The following ZMYM1 variants were observed in gnomAD, a reference collection of about 807,000 sequenced individuals.
The protein encoded by ZMYM1 is zinc finger MYM-type containing 1.
A neutral mutation model predicts 60.0 loss-of-function variants in ZMYM1; 39 were observed. The observed-to-expected ratio is 0.65, with a 90% CI of 0.50 to 0.85. The LOEUF (loss-of-function observed/expected upper bound fraction) is 0.85. Among genes scored for constraint, ZMYM1 ranks in the 40% least tolerant of loss-of-function variants. ZMYM1 has a pLI of 0.00. For missense variants in ZMYM1, 1,171 were observed against 1,309.5 expected, an observed-to-expected ratio of 0.89 and a Z score of 1.63; for synonymous variants, 413 against 454.0, an observed-to-expected ratio of 0.91 and a Z score of 1.15.
chr1:35,063,989 A>G (rs1248482613), intron 1 of ZMYM1, among the ~76,000 whole-genome samples: 2 of 152,172 alleles, frequency 1.3e-5, no homozygotes, highest in East Asian at 3.9e-4. Flanking sequence ...ATAGCCCGAA[A>G]TGATAGATAT....
In ZMYM1 at chr1:35,114,471, A is replaced by G; in HGVS notation, c.2641A>G (p.Asn881Asp). The change falls in exon 10 of 10, where the codon AAT becomes GAT. Residue 881 changes from asparagine to aspartate, a missense_variant. By Grantham distance (23) the Asn-to-Asp change is conservative (BLOSUM62 1). Transcript: ENST00000359858. ...VTGILSKELQ[N>D]KTIDIFSLSS... ...AGGAATTCTTTCCAAAGAGCTTCAAAATAAAACCATAGACATTTTTTCTTT... is the reference window on the plus strand; with the variant it reads ...AGGAATTCTTTCCAAAGAGCTTCAAGATAAAACCATAGACATTTTTTCTTT... 1.2e-6 allele frequency: 2 copies of G among 1,613,126 alleles called. No individual in the cohort carries two copies. The highest frequency in any genetic ancestry group is 1.7e-6 in the Non-Finnish European group (2 of 1,179,506).
intron 4 of ZMYM1, among the ~76,000 whole-genome samples, chr1:35,098,537 T>G (rs1429295528): frequency 2.0e-5 from 3 of 152,262 alleles, no homozygotes; most frequent in Non-Finnish European, 4.4e-5. Context: ...TTGCTTCTTC[T>G]GTTTAGTTAT....
chr1:35,113,930 T>A lies in ZMYM1; in HGVS notation c.2100T>A (p.Tyr700Ter). Residue 700 changes from tyrosine (Y) to a stop codon, truncating the protein, a stop_gained, in exon 10 of 10, where the codon TAT becomes TAA. Coordinates refer to ENST00000359858, the MANE Select transcript of ZMYM1 (RefSeq NM_024772.5). LOFTEE classifies it low-confidence loss of function (END_TRUNC). ...ACTTACATAGGACTATCAAAACTTA[T>A]CTGCAGCAAATTGGAGTTGATATGG... is the stretch of plus-strand genomic sequence containing the variant. ...GTHLHRTIKT[Y>*]LQQIGVDMDK... The A allele has an allele frequency of 1.2e-6, 2 of 1,613,960 alleles. No homozygotes were observed. Among genetic ancestry groups the A allele is most frequent in the Non-Finnish European group, 1.7e-6 (2 of 1,179,924 alleles).
intron 1 of ZMYM1, among the ~76,000 whole-genome samples, chr1:35,063,368 C>T (rs1641909452): frequency 6.6e-6 from 1 of 152,066 alleles, no homozygotes; most frequent in Admixed American, 6.6e-5. Flanking sequence ...AGTGCAGTGG[C>T]ATGATCCTGG....
intron 1 of ZMYM1, among the ~76,000 whole-genome samples, chr1:35,069,412 A>G (rs1642030686): frequency 6.6e-6 from 1 of 152,076 alleles, no homozygotes; most frequent in African/African-American, 2.4e-5. Flanking sequence ...CTCTTAAGTT[A>G]TCTTGTCCAT....
chr1:35,113,359 T>TCAGAAAG lies in ZMYM1; in HGVS notation c.1532_1538dup (p.His513GlnfsTer4). ...AATTGGAAAAAAACCCTGGAAAAAT[T>TCAGAAAG]CAGAAAGCATGAAAAAAGTGAAATG... is the stretch of plus-strand genomic sequence containing the variant. On this transcript the variant is annotated frameshift_variant, in exon 10 of 10. Coordinates refer to ENST00000359858, the MANE Select transcript of ZMYM1 (RefSeq NM_024772.5). LOFTEE classifies it high-confidence loss of function. 6.2e-7 allele frequency: 1 copy of TCAGAAAG among 1,613,144 alleles called. No individual in the cohort carries two copies. The highest frequency in any genetic ancestry group is 8.5e-7 in the Non-Finnish European group (1 of 1,179,784).
chr1:35,069,418 T>C (rs1489471770), intron 1 of ZMYM1, among the ~76,000 whole-genome samples: 4 of 152,204 alleles, frequency 2.6e-5, no homozygotes, highest in African/African-American at 9.6e-5. Flanking sequence ...AGTTATCTTG[T>C]CCATTTTAAA....
At chr1:35,101,204 G>A (rs970764694) in intron 4 of ZMYM1, among the ~76,000 whole-genome samples, 1 of 150,676 alleles carries the variant, frequency 6.6e-6, no homozygotes, top group Non-Finnish European at 1.5e-5. Flanking sequence ...CGCCTCCCAG[G>A]TTCAAGCGAT....
intron 2 of ZMYM1, among the ~76,000 whole-genome samples, chr1:35,095,012 T>C (rs1177326544): frequency 1.3e-5 from 2 of 152,112 alleles, no homozygotes; most frequent in Non-Finnish European, 2.9e-5. Context: ...ATTGAGTTGT[T>C]AACACTGGGG....
chr1:35,116,878 C>T (rs1435525423), downstream of ZMYM1, among the ~76,000 whole-genome samples: 2 of 124,312 alleles, frequency 1.6e-5, no homozygotes, highest in Admixed American at 9.4e-5. Flanking sequence ...GAGTCTCGCT[C>T]TGTCGCCCAG....
intron 1 of ZMYM1, 22 bp from the exon 2 acceptor site, chr1:35,093,892 C>CT: frequency 1.2e-6 from 1 of 854,302 alleles, no homozygotes; most frequent in Non-Finnish European, 1.8e-6. Context: ...AAATCAAACT[C>CT]TTTATCAATA....
intron 2 of ZMYM1, among the ~76,000 whole-genome samples, chr1:35,094,744 G>C (rs942350840): frequency 3.9e-5 from 6 of 152,162 alleles, no homozygotes; most frequent in Non-Finnish European, 7.3e-5. Flanking sequence ...AGCTACTTCA[G>C]AGGCTACAAC....
At chr1:35,081,430 A>C (rs530192893) in intron 1 of ZMYM1, among the ~76,000 whole-genome samples, 1 of 151,472 alleles carries the variant, frequency 6.6e-6, no homozygotes, top group African/African-American at 2.4e-5. Context: ...CACATTGTAT[A>C]TACATTAGAA....
At chr1:35,106,377 G>T (rs1184366098) in intron 6 of ZMYM1, among the ~76,000 whole-genome samples, 1 of 152,094 alleles carries the variant, frequency 6.6e-6, no homozygotes, top group African/African-American at 2.4e-5. Flanking sequence ...GGGAGGCCGA[G>T]GCTGGCCGAT....
upstream of ZMYM1, among the ~76,000 whole-genome samples, chr1:35,074,923 C>T (rs181785681): frequency 2.0e-3 from 306 of 151,366 alleles, 2 homozygotes; most frequent in African/African-American, 7.0e-3. Flanking sequence ...TGCAGTGGCG[C>T]GATCTCGGCT....
At chr1:35,081,213 G>A (rs765717484) in intron 1 of ZMYM1, among the ~76,000 whole-genome samples, 5 of 152,106 alleles carry the variant, frequency 3.3e-5, no homozygotes, top group African/African-American at 9.7e-5. Flanking sequence ...CACCGTGCCC[G>A]GCCGAATAAA....
chr1:35,065,287 C>T (rs1414948752), intron 1 of ZMYM1, among the ~76,000 whole-genome samples: 2 of 141,218 alleles, frequency 1.4e-5, no homozygotes, highest in African/African-American at 3.1e-5. Flanking sequence ...TCCCGGCTTT[C>T]GGCACCAAAA....
intron 1 of ZMYM1, among the ~76,000 whole-genome samples, chr1:35,090,035 A>G (rs1642910457): frequency 6.6e-6 from 1 of 151,662 alleles, no homozygotes; most frequent in African/African-American, 2.4e-5. Flanking sequence ...CTCCCAGAGT[A>G]GCTGGGACTA....
At chr1:35,105,126 C>CTTTTTT (rs1029051953) in intron 6 of ZMYM1, among the ~76,000 whole-genome samples, 121 of 96,546 alleles carry the variant, frequency 1.3e-3, no homozygotes, top group African/African-American at 1.8e-3. Context: ...TTATTTCTTT[C>CTTTTTT]TTTTTTTTTT....
Sources: gnomAD v4.1 joint callset for allele counts (sites outside exome capture counted in the v4.1 genomes callset) on GRCh38, gnomAD v4.1.1 for gene constraint, MANE v1.5 for transcripts, NCBI Gene and HGNC (gene_info 2026-07-23, HGNC 2026-07-21) for gene names.